The following SPNS2 variants were observed in gnomAD, a reference collection of about 807,000 sequenced individuals.
SPNS2 encodes SPNS lysolipid transporter 2, sphingosine-1-phosphate.
Under a neutral mutation model 57.6 loss-of-function variants are expected in SPNS2, and 37 were observed. That is an observed-to-expected ratio of 0.64 (90% CI 0.49 to 0.85). The LOEUF is 0.85. Among genes scored for constraint, SPNS2 ranks in the 40% least tolerant of loss-of-function variants. The pLI, the probability that SPNS2 is intolerant of heterozygous loss-of-function variation, is 0.00. For missense variants in SPNS2, 831 were observed against 779.1 expected (o/e 1.07, Z -0.79); for synonymous variants, 440 against 346.9 (o/e 1.27, Z -2.98).
In SPNS2 at chr17:4,538,190, G is replaced by C. The variant is rs1905974175; in HGVS notation, c.*742G>C. ...ACACCACCTGTGCCCCCAGGCTCAA[G>C]GTCTCTGGCAGGTGCACACCAGCCC... On this transcript the variant is annotated 3_prime_UTR_variant, in exon 13 of 13. Transcript: ENST00000329078. The C allele has an allele frequency of 4.1e-6, 1 of 243,230 alleles. No individual in the cohort carries two copies. The highest frequency in any genetic ancestry group is 5.5e-5 in the South Asian group (1 of 18,302). The allele number at this position is 243,230 out of a possible 1,614,324, so 15.1% of individuals were successfully genotyped here.
intron 2 of SPNS2, among the ~76,000 whole-genome samples, chr17:4,521,633 C>T (rs928964306): frequency 1.9e-4 from 29 of 152,262 alleles, no homozygotes; most frequent in African/African-American, 6.0e-4. Flanking sequence ...GTGAGCTAGT[C>T]GTAAAATACA....
In SPNS2 at chr17:4,536,102, C is replaced by T. The variant is rs200679688; in HGVS notation, c.1371C>T (p.Ala457=). 4.2e-4 allele frequency: 672 copies of T among 1,612,328 alleles called. 4 individuals are homozygous for T. The South Asian group carries it at 6.9e-3, about 17-fold the overall frequency. Residue 457 remains alanine (A), a synonymous_variant, in exon 10 of 13, where the codon GCC becomes GCT. Coordinates refer to ENST00000329078, the MANE Select transcript of SPNS2 (RefSeq NM_001124758.3). Reference sequence around the variant, plus strand: ...ACGTGGTCATCCCCACGCGGCGCGCCACTGCCGTGGCCTTGCAGAGCTTCA... The same window carrying T: ...ACGTGGTCATCCCCACGCGGCGCGCTACTGCCGTGGCCTTGCAGAGCTTCA... The part of the protein sequence containing the change: ...LMYVVIPTRR[A]TAVALQSFTS...
At chr17:4,534,202 C>G (rs942146638) in intron 9 of SPNS2, among the ~76,000 whole-genome samples, 1 of 152,216 alleles carries the variant, frequency 6.6e-6, no homozygotes, top group Non-Finnish European at 1.5e-5. Context: ...TCCATAGGCT[C>G]TGCCCTCTCT....
intron 9 of SPNS2, chr17:4,534,354 G>T (rs1411031630): frequency 5.2e-6 from 1 of 193,018 alleles, no homozygotes; most frequent in Non-Finnish European, 1.1e-5. Context: ...GTGTCCCTGG[G>T]TGGGGATGGG....
At position 4,531,038 on chromosome 17, in the gene SPNS2, G is replaced by C. The variant is rs1469272527; in HGVS notation, c.726-15G>C. ...CCTGTCTCTGCTCAGCCTGACGTGT[G>C]TCTCTTCTCTGCAGTGGCCTGGGCT... On this transcript the variant is annotated splice_polypyrimidine_tract_variant and intron_variant, in intron 4 of 12. Transcript: ENST00000329078. The C allele has an allele frequency of 9.3e-6, 15 of 1,613,710 alleles. No individual in the cohort carries two copies. The highest frequency in any genetic ancestry group is 1.2e-5 in the Non-Finnish European group (14 of 1,179,960).
In SPNS2 at chr17:4,510,454, A is replaced by G. The variant is rs1395652555; in HGVS notation, c.371-2793A>G. 6.6e-6 allele frequency among the ~76,000 whole-genome samples: 1 copy of G among 152,204 alleles called. No homozygotes were observed. Among genetic ancestry groups the G allele is most frequent in the East Asian group, 1.9e-4 (1 of 5,194 alleles). On this transcript the variant is annotated intron_variant, in intron 1 of 12. Coordinates refer to ENST00000329078, the MANE Select transcript of SPNS2 (RefSeq NM_001124758.3). This position sits in a 1 kb window ranked among gnomAD's most constrained non-coding sequence, Gnocchi z 4.4. ...AGTCAGGGGAAGGCTTCCTGGAGGC[A>G]GAGGCAAATCCTGGACCTTGAAGTC...
chr17:4,532,545 TC>T lies in SPNS2; in HGVS notation c.800del (p.Pro267LeufsTer5), dbSNP rs746056237. On this transcript the variant is annotated frameshift_variant, in exon 6 of 13. Coordinates refer to ENST00000329078, the MANE Select transcript of SPNS2 (RefSeq NM_001124758.3). LOFTEE classifies it high-confidence loss of function. ...AGDWHWALRV[S>X]PVLGMITGTL... ...CTAACTTCCTGCTCTCTGGCAGGTGTCCCCTGTCCTGGGCATGATCACAGGA... is the reference window on the plus strand; with the variant it reads ...CTAACTTCCTGCTCTCTGGCAGGTGTCCCTGTCCTGGGCATGATCACAGGA... 6 of 1,614,070 alleles carry T rather than the reference TC, an allele frequency of 3.7e-6. No homozygotes were observed. In the South Asian group the frequency reaches 6.6e-5, roughly 18 times the overall value.
In SPNS2 at chr17:4,499,557, C is replaced by T; in HGVS notation, c.370+140C>T. 2.0e-6 allele frequency: 1 copy of T among 495,428 alleles called. No homozygotes were observed. Among genetic ancestry groups the T allele is most frequent in the Non-Finnish European group, 3.3e-6 (1 of 301,020 alleles). The allele number at this position is 495,428 out of a possible 1,614,324, so 30.7% of individuals were successfully genotyped here. On this transcript the variant is annotated intron_variant, in intron 1 of 12. Coordinates refer to ENST00000329078, the MANE Select transcript of SPNS2 (RefSeq NM_001124758.3). This position sits in a 1 kb window ranked among gnomAD's most constrained non-coding sequence, Gnocchi z 5.2. ...ACGTGAGGTCCCTACGGACCCTCTG[C>T]TCAGGCACAACTGGGCAAGGGATGC...
intron 1 of SPNS2, 94 bp from the exon 2 acceptor site, chr17:4,513,153 G>A: frequency 7.2e-7 from 1 of 1,396,832 alleles, no homozygotes; most frequent in Non-Finnish European, 1.0e-6. Context: ...ATATGGCCAG[G>A]CTGGGCCCTG....
intron 10 of SPNS2, 41 bp downstream of exon 10, chr17:4,536,215 G>T (rs955960149): frequency 2.5e-6 from 4 of 1,608,654 alleles, no homozygotes; most frequent in Admixed American, 3.3e-5. Flanking sequence ...GCAGGCTGGG[G>T]GACTGCAGGA....
In SPNS2 at chr17:4,525,133, C is replaced by G. The variant is rs779060333; in HGVS notation, c.513C>G (p.Leu171=). ...LGDRFNRKVI[L]SCGIFFWSAV... ...ACCGCTTCAACAGGAAGGTGATTCTCAGCTGCGGCATTTTCTTCTGGTCGG... is the reference window on the plus strand; with the variant it reads ...ACCGCTTCAACAGGAAGGTGATTCTGAGCTGCGGCATTTTCTTCTGGTCGG... The change falls in exon 3 of 13, where the codon CTC becomes CTG. Residue 171 remains leucine, a synonymous_variant. Transcript: ENST00000329078. 1 of 1,614,096 alleles carries G rather than the reference C, an allele frequency of 6.2e-7. No homozygotes were observed. Among genetic ancestry groups the G allele is most frequent in the Non-Finnish European group, 8.5e-7 (1 of 1,180,038 alleles).
chr17:4,523,660 C>T (rs567173599), intron 2 of SPNS2, among the ~76,000 whole-genome samples: 12 of 152,000 alleles, frequency 7.9e-5, no homozygotes, highest in East Asian at 3.9e-4. Flanking sequence ...GCCAGCTACT[C>T]GTGAGGCTGA....
Position 4,498,919 on chromosome 17 carries a change from G to T in SPNS2, c.-129G>T. On this transcript the variant is annotated 5_prime_UTR_variant, in exon 1 of 13. Transcript: ENST00000329078. ...CGGTGGCAGCGCCGCAGCCGGGGCC[G>T]GAGCGCAGGAGCCGACGGGGCCCGA... 1 of 423,058 alleles carries T rather than the reference G, an allele frequency of 2.4e-6. No homozygotes were observed. The highest frequency in any genetic ancestry group is 3.2e-6 in the Non-Finnish European group (1 of 316,312). The allele number at this position is 423,058 out of a possible 1,614,324, so 26.2% of individuals were successfully genotyped here.
In SPNS2 at chr17:4,499,044, C is replaced by T. The variant is rs1419464039; in HGVS notation, c.-4C>T. 4 of 1,008,770 alleles carry T rather than the reference C, an allele frequency of 4.0e-6. No individual in the cohort carries two copies. The highest frequency in any genetic ancestry group is 4.7e-6 in the Non-Finnish European group (4 of 847,024). 62.5% of individuals were successfully genotyped at this position (1,008,770 alleles called of 1,614,324 possible). ...CGCCCCCCGCCGCCCCGATCCGGGCCGGCATGATGTGCCTGGAATGCGCCT... is the reference window on the plus strand; with the variant it reads ...CGCCCCCCGCCGCCCCGATCCGGGCTGGCATGATGTGCCTGGAATGCGCCT... On this transcript the variant is annotated 5_prime_UTR_variant, in exon 1 of 13. Coordinates refer to ENST00000329078, the MANE Select transcript of SPNS2 (RefSeq NM_001124758.3). This position sits in a 1 kb window ranked among gnomAD's most constrained non-coding sequence, Gnocchi z 5.2.
Position 4,536,914 on chromosome 17 carries a change from C to T in SPNS2, c.1622C>T (p.Ala541Val), listed in dbSNP as rs779414794. 3.3e-5 allele frequency: 54 copies of T among 1,613,190 alleles called. No individual in the cohort carries two copies. The highest frequency in any genetic ancestry group is 2.5e-4 in the East Asian group (11 of 44,870). Reference sequence around the variant, plus strand: ...CTCTCCCCCAGGGTGAACCAGCTGGCGATGCCGCCCGCATCTGTGAAAGTC... The same window carrying T: ...CTCTCCCCCAGGGTGAACCAGCTGGTGATGCCGCCCGCATCTGTGAAAGTC... ...ARAEQQVNQL[A>V]MPPASVKV is the part of the protein sequence containing the mutation. Residue 541 changes from alanine to valine, a missense_variant, in exon 12 of 13, where the codon GCG (alanine) becomes GTG (valine). By Grantham distance (64) the Ala-to-Val change is moderately conservative. Around this residue, in one of 2 missense-constraint regions of SPNS2, gnomAD observed 526 missense variants for 400.9 expected, o/e 1.31. Coordinates refer to ENST00000329078, the MANE Select transcript of SPNS2 (RefSeq NM_001124758.3).
In SPNS2 at chr17:4,537,511, C is replaced by T. The variant is rs557898189; in HGVS notation, c.*63C>T. 5.7e-5 allele frequency: 26 copies of T among 456,870 alleles called. No individual in the cohort carries two copies. The East Asian group carries it at 9.7e-4, about 17-fold the overall frequency. The allele number at this position is 456,870 out of a possible 1,614,324, so 28.3% of individuals were successfully genotyped here. On this transcript the variant is annotated 3_prime_UTR_variant, in exon 13 of 13. Transcript: ENST00000329078. ...ACCTCGTCTGGGAGGTGTCCTACAGCGTCCGGGACCGGCTGGGCTGCCCCA... is the reference window on the plus strand; with the variant it reads ...ACCTCGTCTGGGAGGTGTCCTACAGTGTCCGGGACCGGCTGGGCTGCCCCA...
rs1009412391 is a variant in SPNS2 at position 4,505,321 on chromosome 17, G to A, written c.370+5904G>A. ...CAAAGCACATCCTTCTGGGCTGAAA[G>A]GGCACTGGTAGGTTTGGACAGCTCA... On this transcript the variant is annotated intron_variant, in intron 1 of 12. Coordinates refer to ENST00000329078, the MANE Select transcript of SPNS2 (RefSeq NM_001124758.3). Among the ~76,000 whole-genome samples, 3 of 152,214 alleles carry A rather than the reference G, an allele frequency of 2.0e-5. No homozygotes were observed. In the East Asian group the frequency reaches 5.8e-4, roughly 29 times the overall value.
chr17:4,505,756 A>T (rs1904659190), intron 1 of SPNS2, among the ~76,000 whole-genome samples: 1 of 152,158 alleles, frequency 6.6e-6, no homozygotes, highest in South Asian at 2.1e-4. Flanking sequence ...GCATCGGGGC[A>T]AGAATCAAAC....
At chr17:4,536,850 C>T (rs368499028) in intron 11 of SPNS2, 50 bp from the exon 12 acceptor site, 16 of 1,514,018 alleles carry the variant, frequency 1.1e-5, no homozygotes, top group Non-Finnish European at 1.5e-5. Flanking sequence ...AGTGCCCGGG[C>T]CCGGCCCCCG....
Sources: gnomAD v4.1 joint callset for allele counts (sites outside exome capture counted in the v4.1 genomes callset) on GRCh38, gnomAD v4.1.1 for gene constraint, gnomAD v4.1.1 regional missense constraint, Gnocchi (gnomAD v3.1) non-coding constraint, MANE v1.5 for transcripts, NCBI Gene and HGNC (gene_info 2026-07-23, HGNC 2026-07-21) for gene names.